The following DHRS7B variants were observed in gnomAD, a reference collection of about 807,000 sequenced individuals.
DHRS7B encodes dehydrogenase/reductase 7B.
In DHRS7B, 24 loss-of-function variants were observed where a neutral mutation model predicts 26.4. That is an observed-to-expected ratio of 0.91 (90% CI 0.66 to 1.28). DHRS7B has a LOEUF of 1.28. Among genes scored for constraint, DHRS7B ranks in the 50% most tolerant of loss-of-function variants. The probability of loss-of-function intolerance (pLI) is 0.00; values close to 1 mark genes in which losing one functional copy is unlikely to be tolerated. For missense variants in DHRS7B, 368 were observed against 419.4 expected (o/e 0.88, Z 1.07); for synonymous variants, 142 against 166.4 (o/e 0.85, Z 1.13).
rs1597761851 is a variant in DHRS7B, at chr17:21,189,011, G to A, written c.772+148G>A. 4.8e-6 allele frequency: 5 copies of A among 1,038,388 alleles called. No homozygotes were observed. The East Asian group carries it at 1.3e-4, about 27-fold the overall frequency. The allele number at this position is 1,038,388 out of a possible 1,614,324, so 64.3% of individuals were successfully genotyped here. A position where few individuals can be genotyped will look rare whatever the true frequency, so the allele number is the denominator to read the frequency against. On this transcript the variant is annotated intron_variant, in intron 6 of 6. Coordinates refer to ENST00000395511, the MANE Select transcript of DHRS7B (RefSeq NM_015510.5). ...AAACTTGACAGAGGTGTTGGTTCTA[G>A]ATATGGACTATTGAATAATCTTCTT... is the stretch of plus-strand genomic sequence containing the variant.
chr17:21,138,844 TATTTA>T (rs1973426746), intron 1 of DHRS7B, among the ~76,000 whole-genome samples: 2 of 152,134 alleles, frequency 1.3e-5, no homozygotes, highest in South Asian at 2.1e-4. Context: ...AAATACCTAT[TATTTA>T]ATTTAATATA....
intron 6 of DHRS7B, among the ~76,000 whole-genome samples, chr17:21,189,183 G>A (rs1441645165): frequency 6.6e-6 from 1 of 152,188 alleles, no homozygotes; most frequent in East Asian, 1.9e-4. Context: ...CAGATCCCGA[G>A]TCCAAGGAGT....
At chr17:21,138,211 CTT>C (rs901329961) in intron 1 of DHRS7B, among the ~76,000 whole-genome samples, 4 of 78,240 alleles carry the variant, frequency 5.1e-5, no homozygotes, top group African/African-American at 2.3e-4. Flanking sequence ...ATCCCTCCTT[CTT>C]TTTTTTTTTT....
chr17:21,190,875 C>A (rs1022828474), intron 6 of DHRS7B, 73 bp from the exon 7 acceptor site: 21 of 1,522,898 alleles, frequency 1.4e-5, no homozygotes, highest in Non-Finnish European at 1.9e-5. Context: ...CCTGACGACT[C>A]ACATCAGCTC....
intron 1 of DHRS7B, among the ~76,000 whole-genome samples, chr17:21,155,134 C>T (rs1026650483): frequency 6.6e-6 from 1 of 152,088 alleles, no homozygotes; most frequent in Non-Finnish European, 1.5e-5. Context: ...ATTAATCCAG[C>T]TATGTCAATA....
chr17:21,173,226 T>G (rs1213917792), intron 2 of DHRS7B, among the ~76,000 whole-genome samples: 3 of 152,278 alleles, frequency 2.0e-5, no homozygotes, highest in Non-Finnish European at 4.4e-5. Context: ...CAGTAACATA[T>G]GCTCTCAAAC....
At chr17:21,143,952 A>C (rs1419852640) in intron 1 of DHRS7B, among the ~76,000 whole-genome samples, 1 of 152,232 alleles carries the variant, frequency 6.6e-6, no homozygotes, top group African/African-American at 2.4e-5. Flanking sequence ...CACAGGAAAC[A>C]GAGAGATGAA....
In DHRS7B at chr17:21,172,164, TG is replaced by T. The variant is rs778300882; in HGVS notation, c.168del (p.Ile57SerfsTer33). On this transcript the variant is annotated frameshift_variant, in exon 2 of 7. Coordinates refer to ENST00000395511, the MANE Select transcript of DHRS7B (RefSeq NM_015510.5). LOFTEE classifies it high-confidence loss of function. ...GCCTACCTGCGGAATGCTGTGGTGG[TG>T]ATCACAGGCGCCACCTCAGGGCTGG... ...GKAYLRNAVV[V>X]ITGATSGLGK... The T allele has an allele frequency of 6.2e-7, 1 of 1,613,650 alleles. No individual in the cohort carries two copies. The highest frequency in any genetic ancestry group is 1.1e-5 in the South Asian group (1 of 91,032).
chr17:21,179,020 CTGCAGCCT>C (rs1441031641), intron 3 of DHRS7B, among the ~76,000 whole-genome samples: 4 of 152,200 alleles, frequency 2.6e-5, no homozygotes, highest in Admixed American at 6.5e-5. Flanking sequence ...TCATAGCTCA[CTGCAGCCT>C]TGAACTCCTG....
chr17:21,153,186 A>G (rs1346467968), intron 1 of DHRS7B, among the ~76,000 whole-genome samples: 1 of 152,222 alleles, frequency 6.6e-6, no homozygotes, highest in Admixed American at 6.5e-5. Flanking sequence ...GGTAATGTAA[A>G]TAGAAAGATG....
chr17:21,174,182 G>A (rs369635283), intron 2 of DHRS7B, among the ~76,000 whole-genome samples: 33 of 152,346 alleles, frequency 2.2e-4, no homozygotes, highest in East Asian at 1.3e-3. Context: ...CTGTGAGGAG[G>A]CAGAGCTATG....
chr17:21,133,249 G>A (rs1597729350), intron 1 of DHRS7B, among the ~76,000 whole-genome samples: 1 of 152,224 alleles, frequency 6.6e-6, no homozygotes, highest in African/African-American at 2.4e-5. Context: ...TTTTGCCAAG[G>A]TTGAGGATGT....
intron 1 of DHRS7B, among the ~76,000 whole-genome samples, chr17:21,132,543 A>C (rs867524176): frequency 5.9e-4 from 87 of 147,230 alleles, no homozygotes; most frequent in East Asian, 1.6e-3. Flanking sequence ...AAAAAAAAAA[A>C]AAAAAACAAA....
At chr17:21,148,778 TA>T (rs921202633) in intron 1 of DHRS7B, among the ~76,000 whole-genome samples, 26 of 144,942 alleles carry the variant, frequency 1.8e-4, no homozygotes, top group African/African-American at 4.6e-4. Context: ...TACACAGAGG[TA>T]AAAAAAAAAT....
chr17:21,183,927 G>A, intron 4 of DHRS7B, 117 bp downstream of exon 4: 1 of 844,846 alleles, frequency 1.2e-6, no homozygotes, highest in Non-Finnish European at 1.9e-6. Flanking sequence ...CCCTGGAGTG[G>A]GTGTTAGGTG....
intron 2 of DHRS7B, chr17:21,172,494 C>G (rs1181446390): frequency 2.0e-6 from 1 of 508,816 alleles, no homozygotes; most frequent in African/African-American, 1.9e-5. Context: ...CAGCCCTGCT[C>G]AGCCTCAGTT....
At chr17:21,165,916 C>CAAAAAA (rs11346854) in intron 1 of DHRS7B, among the ~76,000 whole-genome samples, 3 of 119,438 alleles carry the variant, frequency 2.5e-5, no homozygotes, top group East Asian at 2.5e-4. Flanking sequence ...ACTCCGTCTC[C>CAAAAAA]AAAAAAAAAA....
chr17:21,141,127 T>C (rs1973497923), intron 1 of DHRS7B, among the ~76,000 whole-genome samples: 1 of 152,132 alleles, frequency 6.6e-6, no homozygotes, highest in Non-Finnish European at 1.5e-5. Context: ...TAAAAATTAA[T>C]TTCTGTTGGG....
intron 1 of DHRS7B, among the ~76,000 whole-genome samples, chr17:21,132,546 A>AC (rs1316259813): frequency 1.5e-4 from 22 of 147,406 alleles, no homozygotes; most frequent in Non-Finnish European, 3.1e-4. Context: ...AAAAAAAAAA[A>AC]AAACAAAAAA....
Sources: allele counts gnomAD v4.1 joint callset (sites outside exome capture counted in the v4.1 genomes callset), GRCh38; gene constraint gnomAD v4.1.1; transcripts MANE v1.5; gene names NCBI Gene and HGNC (gene_info 2026-07-23, HGNC 2026-07-21).